The following POMP variants were observed in gnomAD, a reference collection of about 807,000 sequenced individuals.
POMP encodes the protein 2510048O06Rik.
In POMP, 12 loss-of-function variants were observed where a neutral mutation model predicts 20.6. The observed-to-expected ratio is 0.58, with a 90% CI of 0.37 to 0.94. The LOEUF (loss-of-function observed/expected upper bound fraction) is 0.94, where lower values mean the gene tolerates loss of function less well. POMP is among the 40% of genes least tolerant of loss of function. The pLI, the probability that POMP is intolerant of heterozygous loss-of-function variation, is 0.01. For synonymous variants in POMP, 53 were observed against 55.0 expected (o/e 0.96, Z 0.16); for missense variants, 136 against 161.1 (o/e 0.84, Z 0.84).
intron 5 of POMP, among the ~76,000 whole-genome samples, chr13:28,673,070 C>CT (rs34619603): frequency 0.02 from 2,506 of 126,448 alleles, 48 homozygotes; most frequent in African/African-American, 0.052. Flanking sequence ...AGGAATCTGT[C>CT]TTTTTTTTTT....
At chr13:28,676,444 TA>T (rs1402930352) in intron 5 of POMP, among the ~76,000 whole-genome samples, 2 of 152,240 alleles carry the variant, frequency 1.3e-5, no homozygotes, top group Non-Finnish European at 2.9e-5. Flanking sequence ...TTTTCTTATT[TA>T]TTATTTGTCC....
At chr13:28,670,619 C>T (rs1884530014) in intron 4 of POMP, among the ~76,000 whole-genome samples, 1 of 152,232 alleles carries the variant, frequency 6.6e-6, no homozygotes, top group African/African-American at 2.4e-5. Flanking sequence ...CCTTGCTTCC[C>T]ACCACACTTC....
chr13:28,672,641 A>T (rs1279978672), intron 5 of POMP, among the ~76,000 whole-genome samples: 1 of 152,198 alleles, frequency 6.6e-6, no homozygotes, highest in Non-Finnish European at 1.5e-5. Context: ...GCTCACGTGT[A>T]ATCCCAGCAC....
intron 5 of POMP, among the ~76,000 whole-genome samples, chr13:28,672,880 C>T (rs1884573828): frequency 6.6e-6 from 1 of 152,142 alleles, no homozygotes; most frequent in Non-Finnish European, 1.5e-5. Context: ...GTGACTTAAA[C>T]AATGATAATT....
At chr13:28,675,194 G>T (rs1458349560) in intron 5 of POMP, among the ~76,000 whole-genome samples, 4 of 151,556 alleles carry the variant, frequency 2.6e-5, no homozygotes, top group Non-Finnish European at 5.9e-5. Context: ...AGGCTGGAGT[G>T]CAGTGGCGCG....
intron 3 of POMP, among the ~76,000 whole-genome samples, chr13:28,665,607 A>T (rs1884429878): frequency 6.6e-6 from 1 of 152,224 alleles, no homozygotes; most frequent in Admixed American, 6.5e-5. Context: ...AAAGGATCTA[A>T]CTAAAAAATA....
At chr13:28,659,262 C>G (rs536984217) in intron 1 of POMP, 75 bp downstream of exon 1, 1 of 1,548,084 alleles carries the variant, frequency 6.5e-7, no homozygotes, top group Non-Finnish European at 8.7e-7. Context: ...GCAGTCGCCT[C>G]CCAACCCGTC....
chr13:28,669,437 A>G (rs1035513292), intron 4 of POMP, among the ~76,000 whole-genome samples: 2 of 152,092 alleles, frequency 1.3e-5, no homozygotes, highest in Non-Finnish European at 2.9e-5. Flanking sequence ...GTGCAGTGGT[A>G]TGATCATAGC....
At chr13:28,664,484 TG>T (rs1884403756) in intron 2 of POMP, 24 bp from the exon 3 acceptor site, 10 of 1,461,436 alleles carry the variant, frequency 6.8e-6, no homozygotes, top group Non-Finnish European at 8.6e-6. Flanking sequence ...CTCCTCTAAA[TG>T]TTTTTTTTTT....
At chr13:28,660,980 C>T (rs1293025561) in intron 1 of POMP, among the ~76,000 whole-genome samples, 1 of 152,062 alleles carries the variant, frequency 6.6e-6, no homozygotes, top group Non-Finnish European at 1.5e-5. Flanking sequence ...AGTGAAGAAA[C>T]CCTGCAAAGG....
intron 2 of POMP, among the ~76,000 whole-genome samples, 154 bp downstream of exon 2, chr13:28,662,661 T>C (rs1884367018): frequency 6.6e-6 from 1 of 152,204 alleles, no homozygotes; most frequent in Non-Finnish European, 1.5e-5. Flanking sequence ...GGCTTAGATA[T>C]TTTCTGTAGT....
chr13:28,659,410 C>G (rs541166774), intron 1 of POMP, among the ~76,000 whole-genome samples: 1 of 152,212 alleles, frequency 6.6e-6, no homozygotes, highest in Admixed American at 6.5e-5. Flanking sequence ...TCGGCTTCAT[C>G]CTGCTCCTCT....
chr13:28,677,196 T>C (rs941462995), intron 5 of POMP, among the ~76,000 whole-genome samples: 3 of 149,666 alleles, frequency 2.0e-5, no homozygotes, highest in African/African-American at 7.7e-5. Context: ...GTCAAAAATA[T>C]TGCCTTTTTT....
At chr13:28,659,242 G>A in intron 1 of POMP, 55 bp downstream of exon 1, 1 of 1,560,700 alleles carries the variant, frequency 6.4e-7, no homozygotes, top group African/African-American at 1.4e-5. Flanking sequence ...CCGTGGCTCG[G>A]CAGAAACAGG....
intron 2 of POMP, among the ~76,000 whole-genome samples, chr13:28,664,247 T>C (rs1884398228): frequency 6.6e-6 from 1 of 152,230 alleles, no homozygotes; most frequent in South Asian, 2.1e-4. Flanking sequence ...TCCCTAGTGA[T>C]TGAAGTCTTG....
intron 4 of POMP, among the ~76,000 whole-genome samples, chr13:28,671,698 T>A (rs1280228655): frequency 6.6e-6 from 1 of 152,008 alleles, no homozygotes; most frequent in Non-Finnish European, 1.5e-5. Context: ...TTTAAATATC[T>A]CTATGGAACA....
intron 4 of POMP, among the ~76,000 whole-genome samples, chr13:28,670,510 C>T (rs1385625794): frequency 6.6e-6 from 1 of 152,172 alleles, no homozygotes; most frequent in Admixed American, 6.5e-5. Flanking sequence ...TCAGAATAAT[C>T]TTTGTAAAAC....
chr13:28,677,956 G>A (rs530739964), intron 5 of POMP, 79 bp from the exon 6 acceptor site: 1 of 1,439,480 alleles, frequency 6.9e-7, no homozygotes, highest in South Asian at 1.1e-5. Flanking sequence ...GACTCTTCTG[G>A]ATTCTTATGT....
intron 5 of POMP, 122 bp downstream of exon 5, chr13:28,672,554 AT>A: frequency 1.3e-6 from 1 of 773,934 alleles, no homozygotes; most frequent in South Asian, 1.4e-5. Context: ...CACTTTATTC[AT>A]TGCATTAAGA....
Sources: gnomAD v4.1 joint callset for allele counts (sites outside exome capture counted in the v4.1 genomes callset) on GRCh38, gnomAD v4.1.1 for gene constraint, MANE v1.5 for transcripts, NCBI Gene and HGNC (gene_info 2026-07-23, HGNC 2026-07-21) for gene names.